Variants in AGAP1 observed in about 807,000 individuals in gnomAD.
AGAP1 encodes ArfGAP with GTPase domain, ankyrin repeat and PH domain 1.
Under a neutral mutation model 105.3 loss-of-function variants are expected in AGAP1, and 29 were observed. The ratio of observed to expected loss-of-function variants is 0.28; its 90% CI spans 0.21 to 0.38. The LOEUF (loss-of-function observed/expected upper bound fraction) is 0.38, where lower values mean the gene tolerates loss of function less well. Among genes scored for constraint, AGAP1 ranks in the 10% least tolerant of loss-of-function variants. The probability of loss-of-function intolerance (pLI) is 1.00; values close to 1 mark genes in which losing one functional copy is unlikely to be tolerated. For synonymous variants in AGAP1, 509 were observed against 485.9 expected, an observed-to-expected ratio of 1.05 and a Z score of -0.63; for missense variants, 998 against 1,165.1, an observed-to-expected ratio of 0.86 and a Z score of 2.09.
intron 9 of AGAP1, among the ~76,000 whole-genome samples, chr2:235,816,648 T>C (rs962612264): frequency 1.3e-5 from 2 of 152,104 alleles, no homozygotes; most frequent in East Asian, 3.9e-4. Context: ...GTCAGCACTT[T>C]GGGAGACCGA....
chr2:235,743,097 G>A (rs2149672466), intron 4 of AGAP1, among the ~76,000 whole-genome samples: 1 of 152,340 alleles, frequency 6.6e-6, no homozygotes, highest in Non-Finnish European at 1.5e-5. Context: ...AACCCAGAAG[G>A]AGGTGGTTGC....
In AGAP1 at chr2:235,627,758, G is replaced by C. The variant is rs181479497; in HGVS notation, c.164-81421G>C. On this transcript the variant is annotated intron_variant, in intron 1 of 17. Coordinates refer to ENST00000304032, the MANE Select transcript of AGAP1 (RefSeq NM_001037131.3). Reference sequence around the variant, plus strand: ...ATACTCCTGTTTGAGATTATTCACAGTTGGGGCTCATGTCTATTGCTGAGA... The same window carrying C: ...ATACTCCTGTTTGAGATTATTCACACTTGGGGCTCATGTCTATTGCTGAGA... Among the ~76,000 whole-genome samples, 300 of 152,230 alleles carry C rather than the reference G, an allele frequency of 2.0e-3. 1 individual carries two copies. The highest frequency in any genetic ancestry group is 7.0e-3 in the African/African-American group (292 of 41,538).
chr2:235,905,998 C>T lies in AGAP1; in HGVS notation c.1156-2740C>T, dbSNP rs900423535. On this transcript the variant is annotated intron_variant, in intron 10 of 17. Coordinates refer to ENST00000304032, the MANE Select transcript of AGAP1 (RefSeq NM_001037131.3). This position sits in a 1 kb window ranked among gnomAD's most constrained non-coding sequence, Gnocchi z 4.2. ...CTCAACTTCCAAGTGGAATCCCTTT[C>T]GGGGGCTGGTGAAGTCAGATTTGTT... Among the ~76,000 whole-genome samples the T allele has an allele frequency of 3.9e-5, 6 of 152,198 alleles. No individual in the cohort carries two copies. Among genetic ancestry groups the T allele is most frequent in the African/African-American group, 9.6e-5 (4 of 41,460 alleles).
intron 1 of AGAP1, among the ~76,000 whole-genome samples, chr2:235,571,246 C>T (rs979290181): frequency 1.3e-5 from 2 of 152,196 alleles, no homozygotes; most frequent in Non-Finnish European, 2.9e-5. Flanking sequence ...TGGGGGTTAC[C>T]GTTCGACATG....
In AGAP1 at chr2:235,983,548, T is replaced by C. The variant is rs1339570347; in HGVS notation, c.1645+14925T>C. On this transcript the variant is annotated intron_variant, in intron 13 of 17. Transcript: ENST00000304032. This position sits in a 1 kb window ranked among gnomAD's most constrained non-coding sequence, Gnocchi z 4.5. ...TCTTTTTTCTTTGAACTTTTTTTTA[T>C]TGTGGCAAAATACAGTCATGCATCA... Among the ~76,000 whole-genome samples, 1 of 152,238 alleles carries C rather than the reference T, an allele frequency of 6.6e-6. No individual in the cohort carries two copies. Among genetic ancestry groups the C allele is most frequent in the African/African-American group, 2.4e-5 (1 of 41,468 alleles).
At chr2:236,079,304 A>G (rs902496872) in intron 16 of AGAP1, among the ~76,000 whole-genome samples, 11 of 150,918 alleles carry the variant, frequency 7.3e-5, no homozygotes, top group African/African-American at 2.7e-4. Context: ...GAGTTTCTTG[A>G]GGCCAGGAGT....
In AGAP1 at chr2:236,013,318, G is replaced by A. The variant is rs6710281; in HGVS notation, c.1646-23243G>A. On this transcript the variant is annotated intron_variant, in intron 13 of 17. Transcript: ENST00000304032. ...TTCTGCAACATAACTCATCCCAGGC[G>A]CCTAGTCATCACCCTGGGTCATTTT... Among the ~76,000 whole-genome samples the A allele has an allele frequency of 2.4e-3, 359 of 152,242 alleles. 1 individual carries two copies. Among genetic ancestry groups the A allele is most frequent in the African/African-American group, 8.2e-3 (340 of 41,532 alleles).
In AGAP1 at chr2:235,568,998, C is replaced by T. The variant is rs567375784; in HGVS notation, c.163+74149C>T. ...CTCACCTCAATGCCATTAATTTAAT[C>T]ACACCAGCAAAGTTCCTTTTGCCAT... On this transcript the variant is annotated intron_variant, in intron 1 of 17. Coordinates refer to ENST00000304032, the MANE Select transcript of AGAP1 (RefSeq NM_001037131.3). 2.0e-5 allele frequency among the ~76,000 whole-genome samples: 3 copies of T among 152,344 alleles called. No homozygotes were observed. The East Asian group carries it at 5.8e-4, about 29-fold the overall frequency.
chr2:235,545,317 A>G (rs1047539962), intron 1 of AGAP1, among the ~76,000 whole-genome samples: 2 of 152,190 alleles, frequency 1.3e-5, no homozygotes, highest in African/African-American at 4.8e-5. Flanking sequence ...AGGTGTGAGT[A>G]TTTAGCCCTG....
chr2:235,611,523 A>G lies in AGAP1; in HGVS notation c.164-97656A>G, dbSNP rs1946124296. Among the ~76,000 whole-genome samples the G allele has an allele frequency of 6.6e-6, 1 of 152,098 alleles. No homozygotes were observed. Among genetic ancestry groups the G allele is most frequent in the East Asian group, 1.9e-4 (1 of 5,182 alleles). On this transcript the variant is annotated intron_variant, in intron 1 of 17. Coordinates refer to ENST00000304032, the MANE Select transcript of AGAP1 (RefSeq NM_001037131.3). This position sits in a 1 kb window ranked among gnomAD's most constrained non-coding sequence, Gnocchi z 5.0. ...TTCTGATTCCTGTTTTGAGGTGGTG[A>G]TTTATGATGCCTGTGTACTTCCCTG...
intron 16 of AGAP1, among the ~76,000 whole-genome samples, chr2:236,111,415 C>T (rs1027817397): frequency 2.0e-5 from 3 of 151,846 alleles, no homozygotes; most frequent in African/African-American, 7.3e-5. Context: ...GCTCAAGGGG[C>T]TGAGGTAGGA....
intron 12 of AGAP1, among the ~76,000 whole-genome samples, chr2:235,944,683 G>T (rs888967676): frequency 6.6e-6 from 1 of 152,176 alleles, no homozygotes; most frequent in Non-Finnish European, 1.5e-5. Context: ...GAGGCACCAC[G>T]TCAGTGTCTC....
In AGAP1 at chr2:236,047,598, C is replaced by CTTTTT. The variant is rs59007077; in HGVS notation, c.1892-1443_1892-1439dup. 4.1e-3 allele frequency among the ~76,000 whole-genome samples: 279 copies of CTTTTT among 68,296 alleles called. 17 individuals are homozygous for CTTTTT. Among genetic ancestry groups the CTTTTT allele is most frequent in the Middle Eastern group, 0.015 (1 of 68 alleles). The allele number at this position is 68,296 out of a possible 152,430, so 44.8% of individuals were successfully genotyped here. On this transcript the variant is annotated intron_variant, in intron 15 of 17. Coordinates refer to ENST00000304032, the MANE Select transcript of AGAP1 (RefSeq NM_001037131.3). Reference sequence around the variant, plus strand: ...GTCACAGACCTCTCTTCTCACATTTCTTTTTTTTTTTTTTTTTTTTTTGAG... The same window carrying CTTTTT: ...GTCACAGACCTCTCTTCTCACATTTCTTTTTTTTTTTTTTTTTTTTTTTTTTTGAG...
At position 235,908,848 on chromosome 2, in the gene AGAP1, C is replaced by T. The variant is rs2051435167; in HGVS notation, c.1266C>T (p.Ser422=). The T allele has an allele frequency of 6.2e-7, 1 of 1,614,104 alleles. No individual in the cohort carries two copies. The highest frequency in any genetic ancestry group is 8.5e-7 in the Non-Finnish European group (1 of 1,180,014). Reference sequence around the variant, plus strand: ...CGTCAGCCTGCGCACCCATCTCCAGCCCTAAAACCAATGGCCTATCCAAGG... The same window carrying T: ...CGTCAGCCTGCGCACCCATCTCCAGTCCTAAAACCAATGGCCTATCCAAGG... ...RATSACAPIS[S]PKTNGLSKDM... Residue 422 remains serine, a synonymous_variant, in exon 11 of 18, where the codon AGC becomes AGT. Transcript: ENST00000304032. The surrounding 1 kb of genome is among the most constrained non-coding windows in gnomAD (Gnocchi z 4.4).
Position 235,753,008 on chromosome 2 carries a change from G to T in AGAP1, c.673+2520G>T, listed in dbSNP as rs550898831. On this transcript the variant is annotated intron_variant, in intron 6 of 17. Coordinates refer to ENST00000304032, the MANE Select transcript of AGAP1 (RefSeq NM_001037131.3). This position sits in a 1 kb window ranked among gnomAD's most constrained non-coding sequence, Gnocchi z 4.5. ...TGGAGAACAGAGGACACAAGCCCTC[G>T]CCAGTCCCTTCCCATAAAGGCACTT... Among the ~76,000 whole-genome samples, 2 of 152,252 alleles carry T rather than the reference G, an allele frequency of 1.3e-5. No individual in the cohort carries two copies. Among genetic ancestry groups the T allele is most frequent in the East Asian group, 3.9e-4 (2 of 5,156 alleles).
rs192093826 is a variant in AGAP1 at position 235,729,697 on chromosome 2, G to A, written c.311-11266G>A. Among the ~76,000 whole-genome samples the A allele has an allele frequency of 6.6e-6, 1 of 152,242 alleles. No individual in the cohort carries two copies. The highest frequency in any genetic ancestry group is 1.5e-5 in the Non-Finnish European group (1 of 68,028). On this transcript the variant is annotated intron_variant, in intron 3 of 17. Coordinates refer to ENST00000304032, the MANE Select transcript of AGAP1 (RefSeq NM_001037131.3). The surrounding 1 kb of genome is among the most constrained non-coding windows in gnomAD (Gnocchi z 5.0). ...TTACAGTGTCACCACAGGATTGTAAGAATTACAAATGCGTTTTCCAGAGTC... is the reference window on the plus strand; with the variant it reads ...TTACAGTGTCACCACAGGATTGTAAAAATTACAAATGCGTTTTCCAGAGTC...
chr2:235,928,040 T>C (rs2052538214), intron 11 of AGAP1, among the ~76,000 whole-genome samples: 1 of 152,166 alleles, frequency 6.6e-6, no homozygotes, highest in Admixed American at 6.5e-5. Context: ...TCCCTGCAGG[T>C]AGAGCAGGCC....
chr2:235,555,928 G>A lies in AGAP1; in HGVS notation c.163+61079G>A, dbSNP rs147709485. On this transcript the variant is annotated intron_variant, in intron 1 of 17. Coordinates refer to ENST00000304032, the MANE Select transcript of AGAP1 (RefSeq NM_001037131.3). The surrounding 1 kb of genome is among the most constrained non-coding windows in gnomAD (Gnocchi z 5.1). ...GGAATATTTGGGGCACCTGCTCTGG[G>A]CCATGTACACAATGAGGCAAAGCAA... is the stretch of plus-strand genomic sequence containing the variant. Among the ~76,000 whole-genome samples the A allele has an allele frequency of 6.6e-6, 1 of 152,296 alleles. No homozygotes were observed. Among genetic ancestry groups the A allele is most frequent in the African/African-American group, 2.4e-5 (1 of 41,560 alleles).
At chr2:235,627,390 A>G (rs925033457) in intron 1 of AGAP1, among the ~76,000 whole-genome samples, 3 of 151,842 alleles carry the variant, frequency 2.0e-5, no homozygotes, top group African/African-American at 7.3e-5. Flanking sequence ...ACACCCAGCT[A>G]ATTTTTGTAT....
Sources: allele counts gnomAD v4.1 joint callset (sites outside exome capture counted in the v4.1 genomes callset), GRCh38; gene constraint gnomAD v4.1.1; non-coding constraint Gnocchi (gnomAD v3.1); transcripts MANE v1.5; gene names NCBI Gene and HGNC (gene_info 2026-07-23, HGNC 2026-07-21).